The following AFAP1L2 variants were observed in gnomAD, a reference collection of about 807,000 sequenced individuals.
AFAP1L2 encodes the protein actin filament associated protein 1 like 2.
A neutral mutation model predicts 99.3 loss-of-function variants in AFAP1L2; 46 were observed. The observed-to-expected ratio is 0.46, with a 90% CI of 0.37 to 0.59. AFAP1L2 has a LOEUF of 0.59. AFAP1L2 is among the 20% of genes least tolerant of loss of function. AFAP1L2 has a pLI of 0.00. For synonymous variants in AFAP1L2, 397 were observed against 419.1 expected, an observed-to-expected ratio of 0.95 and a Z score of 0.64; for missense variants, 959 against 1,034.9, an observed-to-expected ratio of 0.93 and a Z score of 1.01.
intron 1 of AFAP1L2, among the ~76,000 whole-genome samples, chr10:114,397,027 C>A (rs1226970747): frequency 3.9e-5 from 6 of 152,106 alleles, no homozygotes; most frequent in African/African-American, 1.4e-4. Context: ...ACCCATGATA[C>A]CCAACCTTGA....
intron 7 of AFAP1L2, among the ~76,000 whole-genome samples, chr10:114,312,373 T>C (rs781314181): frequency 1.2e-4 from 19 of 152,108 alleles, no homozygotes; most frequent in Non-Finnish European, 1.6e-4. Context: ...AATGTATACA[T>C]GAATGTGCAT....
rs540026299 is a variant in AFAP1L2, at chr10:114,383,122, GA to G, written c.16+21317del. On this transcript the variant is annotated intron_variant, in intron 1 of 18. Transcript: ENST00000304129. ...AGTGGTATGCTCTGTTTGGGAGAAA[GA>G]AAAAAAGTTGTATATACATGGCTGC... 8.9e-4 allele frequency among the ~76,000 whole-genome samples: 135 copies of G among 152,246 alleles called. 1 individual carries two copies. Among genetic ancestry groups the G allele is most frequent in the African/African-American group, 3.1e-3 (130 of 41,542 alleles).
chr10:114,341,966 A>C (rs2048886831), intron 1 of AFAP1L2, among the ~76,000 whole-genome samples: 1 of 152,262 alleles, frequency 6.6e-6, no homozygotes, highest in South Asian at 2.1e-4. Context: ...GCTTTAGAAC[A>C]GTAAGGAAAG....
chr10:114,290,266 A>C, downstream of AFAP1L2: 1 of 1,550,592 alleles, frequency 6.4e-7, no homozygotes, highest in Non-Finnish European at 8.7e-7. Context: ...CAACCTCTGC[A>C]AACCCAGCCC....
intron 1 of AFAP1L2, among the ~76,000 whole-genome samples, chr10:114,389,131 T>C (rs1297242588): frequency 6.6e-6 from 1 of 152,188 alleles, no homozygotes; most frequent in Non-Finnish European, 1.5e-5. Context: ...AGCTCTTCTC[T>C]TGCCCACACT....
intron 1 of AFAP1L2, among the ~76,000 whole-genome samples, chr10:114,347,337 C>T (rs2049757007): frequency 6.6e-6 from 1 of 152,246 alleles, no homozygotes; most frequent in Admixed American, 6.5e-5. Context: ...ACACTCCTCA[C>T]ACCACCTAAG....
At chr10:114,395,318 G>C (rs1424237548) in intron 1 of AFAP1L2, among the ~76,000 whole-genome samples, 1 of 152,192 alleles carries the variant, frequency 6.6e-6, no homozygotes, top group Non-Finnish European at 1.5e-5. Context: ...GATAGTAACA[G>C]AATATTTGCC....
chr10:114,295,216 C>T lies in AFAP1L2; in HGVS notation c.*826G>A, dbSNP rs1268180467. 23 of 985,620 alleles carry T rather than the reference C, an allele frequency of 2.3e-5. No homozygotes were observed. The highest frequency in any genetic ancestry group is 2.7e-5 in the Non-Finnish European group (22 of 829,870). 61.1% of individuals were successfully genotyped at this position (985,620 alleles called of 1,614,324 possible). ...TCCCTTAAAAATGGCCTGACCACAG[C>T]AATGAATCTGTAAACACAGAGTAAT... On this transcript the variant is annotated 3_prime_UTR_variant, in exon 19 of 19. Coordinates refer to ENST00000304129, the MANE Select transcript of AFAP1L2 (RefSeq NM_001001936.3).
downstream of AFAP1L2, chr10:114,290,288 A>T (rs2039444805): frequency 6.4e-7 from 1 of 1,550,440 alleles, no homozygotes; most frequent in African/African-American, 1.4e-5. Flanking sequence ...TGCATGAATG[A>T]GGGCAGCTGC....
At chr10:114,378,030 G>GTA (rs1249955490) in intron 1 of AFAP1L2, among the ~76,000 whole-genome samples, 1 of 152,234 alleles carries the variant, frequency 6.6e-6, no homozygotes, top group Non-Finnish European at 1.5e-5. Context: ...GGCTGCCACA[G>GTA]CAAAAACAGA....
rs112975069 is a variant in AFAP1L2 at position 114,330,157 on chromosome 10, C to T, written c.315+1646G>A. On this transcript the variant is annotated intron_variant, in intron 4 of 18. Transcript: ENST00000304129. ...ACTGTCCCAGGTTCTCCAGAACTGC[C>T]CACCCACCCCACATGGTAGAGTCAG... Among the ~76,000 whole-genome samples, 784 of 152,254 alleles carry T rather than the reference C, an allele frequency of 5.1e-3. 4 individuals are homozygous for T. The highest frequency in any genetic ancestry group is 7.7e-3 in the Non-Finnish European group (525 of 68,006).
intron 4 of AFAP1L2, among the ~76,000 whole-genome samples, chr10:114,328,192 C>G (rs2046677143): frequency 1.3e-5 from 2 of 152,196 alleles, no homozygotes; most frequent in Non-Finnish European, 2.9e-5. Context: ...AAACCCCTGG[C>G]TGCCCCTTCT....
intron 2 of AFAP1L2, among the ~76,000 whole-genome samples, chr10:114,336,401 T>C (rs2047981109): frequency 6.6e-6 from 1 of 152,224 alleles, no homozygotes; most frequent in Non-Finnish European, 1.5e-5. Flanking sequence ...TGCTAAGTGT[T>C]GGGGATACAG....
intron 1 of AFAP1L2, among the ~76,000 whole-genome samples, chr10:114,393,182 T>C (rs994768801): frequency 1.3e-5 from 2 of 152,138 alleles, no homozygotes; most frequent in Non-Finnish European, 2.9e-5. Context: ...TCTGAGATGA[T>C]TCCCAACTCT....
chr10:114,391,636 A>C (rs1482323541), intron 1 of AFAP1L2, among the ~76,000 whole-genome samples: 2 of 152,208 alleles, frequency 1.3e-5, no homozygotes, highest in Non-Finnish European at 2.9e-5. Context: ...ATAGACTTCC[A>C]TCAACAGACA....
At chr10:114,345,283 G>C (rs2049380253) in intron 1 of AFAP1L2, among the ~76,000 whole-genome samples, 1 of 152,054 alleles carries the variant, frequency 6.6e-6, no homozygotes, top group Non-Finnish European at 1.5e-5. Flanking sequence ...TGTGGATTGG[G>C]GGTGATGCAG....
intron 5 of AFAP1L2, among the ~76,000 whole-genome samples, chr10:114,322,056 G>A (rs961610113): frequency 1.3e-5 from 2 of 152,126 alleles, no homozygotes; most frequent in Non-Finnish European, 2.9e-5. Flanking sequence ...TAAGTCTCAC[G>A]AGATCTGACG....
chr10:114,392,209 G>A lies in AFAP1L2; in HGVS notation c.16+12231C>T, dbSNP rs370508582. Among the ~76,000 whole-genome samples the A allele has an allele frequency of 1.8e-4, 27 of 152,216 alleles. No homozygotes were observed. In the South Asian group the frequency reaches 5.2e-3, roughly 29 times the overall value. ...AAGACCAGCCTGGTCAACATAGCAA[G>A]ACCCCGCCTCTACAAAAAAATGAAA... On this transcript the variant is annotated intron_variant, in intron 1 of 18. Transcript: ENST00000304129.
intron 1 of AFAP1L2, among the ~76,000 whole-genome samples, chr10:114,360,727 C>T (rs2052272167): frequency 6.6e-6 from 1 of 152,096 alleles, no homozygotes; most frequent in African/African-American, 2.4e-5. Flanking sequence ...AACCATTTAC[C>T]ACTATTATTC....
Sources: allele counts gnomAD v4.1 joint callset (sites outside exome capture counted in the v4.1 genomes callset), GRCh38; gene constraint gnomAD v4.1.1; transcripts MANE v1.5; gene names NCBI Gene and HGNC (gene_info 2026-07-23, HGNC 2026-07-21).